The following PARD3B variants were observed in gnomAD, a reference collection of about 807,000 sequenced individuals.
PARD3B encodes the protein partitioning defective 3 homolog B.
Under a neutral mutation model 130.2 loss-of-function variants are expected in PARD3B, and 103 were observed. The observed-to-expected ratio is 0.79, with a 90% confidence interval of 0.67 to 0.93. The LOEUF is 0.93. PARD3B is among the 40% of genes least tolerant of loss of function. The probability of loss-of-function intolerance (pLI) is 0.00; values close to 1 mark genes in which losing one functional copy is unlikely to be tolerated. For synonymous variants in PARD3B, 583 were observed against 553.2 expected, an observed-to-expected ratio of 1.05 and a Z score of -0.76; for missense variants, 1,609 against 1,499.2, an observed-to-expected ratio of 1.07 and a Z score of -1.21.
At chr2:205,088,983 A>G (rs1701922506) in intron 4 of PARD3B, among the ~76,000 whole-genome samples, 1 of 151,396 alleles carries the variant, frequency 6.6e-6, no homozygotes, top group Non-Finnish European at 1.5e-5. Flanking sequence ...TTGTATTTTT[A>G]GTAGAGACGG....
chr2:204,901,081 A>G (rs2046839153), intron 2 of PARD3B, among the ~76,000 whole-genome samples: 1 of 152,102 alleles, frequency 6.6e-6, no homozygotes, highest in Admixed American at 6.5e-5. Context: ...GGTCTTGCCC[A>G]AGACCTGTGA....
chr2:204,954,979 T>A (rs1256712178), intron 2 of PARD3B, among the ~76,000 whole-genome samples: 5 of 152,230 alleles, frequency 3.3e-5, no homozygotes, highest in Non-Finnish European at 7.3e-5. Context: ...TCCTTTTTTT[T>A]ATTTTACAAA....
At chr2:205,055,819 CAT>C (rs1359225974) in intron 4 of PARD3B, among the ~76,000 whole-genome samples, 1 of 152,094 alleles carries the variant, frequency 6.6e-6, no homozygotes, top group Admixed American at 6.6e-5. Context: ...CACCAATAAT[CAT>C]TTTTTATTGG....
chr2:204,938,906 C>T (rs1488824248), intron 2 of PARD3B, among the ~76,000 whole-genome samples: 2 of 152,148 alleles, frequency 1.3e-5, no homozygotes, highest in African/African-American at 4.8e-5. Flanking sequence ...AGTGAACTCA[C>T]AGAGAGTAAA....
chr2:204,742,681 C>T (rs2040058548), intron 2 of PARD3B, among the ~76,000 whole-genome samples: 1 of 152,150 alleles, frequency 6.6e-6, no homozygotes, highest in Non-Finnish European at 1.5e-5. Flanking sequence ...AAACTCATTC[C>T]TGCAGTAAAA....
intron 20 of PARD3B, among the ~76,000 whole-genome samples, chr2:205,488,070 G>A (rs115790812): frequency 1.2e-3 from 190 of 152,144 alleles, no homozygotes; most frequent in African/African-American, 4.1e-3. Context: ...GTTTTGGACC[G>A]TCGAGTCCTT....
At chr2:204,629,045 C>G (rs980735963) in intron 1 of PARD3B, among the ~76,000 whole-genome samples, 17 of 152,138 alleles carry the variant, frequency 1.1e-4, no homozygotes, top group African/African-American at 4.1e-4. Context: ...TATCCATATA[C>G]AGTTCCAACA....
rs2048444364 is a variant in PARD3B at position 205,461,279 on chromosome 2, TG to T, written c.3044+20612del. 6.6e-6 allele frequency among the ~76,000 whole-genome samples: 1 copy of T among 152,134 alleles called. No homozygotes were observed. The highest frequency in any genetic ancestry group is 6.6e-5 in the Admixed American group (1 of 15,266). On this transcript the variant is annotated intron_variant, in intron 20 of 22. Coordinates refer to ENST00000406610, the MANE Select transcript of PARD3B (RefSeq NM_001302769.2). The surrounding 1 kb of genome is among the most constrained non-coding windows in gnomAD (Gnocchi z 4.3). ...AGGCACTCTGGGCAGAGGAGCAGCA[TG>T]GGGGATGCCCTGATGTGGAAAGGAA...
intron 15 of PARD3B, among the ~76,000 whole-genome samples, chr2:205,197,207 T>G (rs1304001024): frequency 1.3e-5 from 2 of 151,924 alleles, no homozygotes; most frequent in African/African-American, 4.8e-5. Flanking sequence ...AAATCATTTA[T>G]TTTTTTTAAT....
chr2:204,965,435 G>C, intron 3 of PARD3B, 112 bp downstream of exon 3: 3 of 1,160,790 alleles, frequency 2.6e-6, no homozygotes, highest in Non-Finnish European at 3.6e-6. Flanking sequence ...TTATATCGTG[G>C]TTTATCTTTT....
At chr2:205,181,968 TC>T (rs1248846852) in intron 13 of PARD3B, among the ~76,000 whole-genome samples, 1 of 152,124 alleles carries the variant, frequency 6.6e-6, no homozygotes, top group Non-Finnish European at 1.5e-5. Context: ...AAATAAAAAT[TC>T]CTTACAGCAT....
At chr2:205,044,054 G>C (rs1698582765) in intron 3 of PARD3B, among the ~76,000 whole-genome samples, 1 of 150,824 alleles carries the variant, frequency 6.6e-6, no homozygotes, top group Non-Finnish European at 1.5e-5. Flanking sequence ...AGAATATGCA[G>C]TGTTTGGTTT....
intron 18 of PARD3B, among the ~76,000 whole-genome samples, chr2:205,337,556 T>C (rs1017276931): frequency 6.6e-6 from 1 of 152,216 alleles, no homozygotes; most frequent in Admixed American, 6.5e-5. Flanking sequence ...TTTTGGTTGT[T>C]ACAGATAAAA....
Position 205,405,748 on chromosome 2 carries a change from C to T in PARD3B, c.2741+4625C>T, listed in dbSNP as rs1490295793. 2.0e-5 allele frequency among the ~76,000 whole-genome samples: 3 copies of T among 152,072 alleles called. No individual in the cohort carries two copies. Among genetic ancestry groups the T allele is most frequent in the African/African-American group, 2.4e-5 (1 of 41,412 alleles). ...TGACAGAATCAGCAGGAACAATGGA[C>T]TGAATTAAACGTAAAGAAAGTTAAT... On this transcript the variant is annotated intron_variant, in intron 19 of 22. Coordinates refer to ENST00000406610, the MANE Select transcript of PARD3B (RefSeq NM_001302769.2). The surrounding 1 kb of genome is among the most constrained non-coding windows in gnomAD (Gnocchi z 4.1).
At chr2:204,803,155 A>AT (rs1350085318) in intron 2 of PARD3B, among the ~76,000 whole-genome samples, 16 of 138,796 alleles carry the variant, frequency 1.2e-4, no homozygotes, top group African/African-American at 4.0e-4. Context: ...AAAAAAAAAA[A>AT]AAAAAAAAAT....
intron 16 of PARD3B, among the ~76,000 whole-genome samples, chr2:205,256,320 A>G (rs2040081935): frequency 1.3e-5 from 2 of 152,066 alleles, no homozygotes; most frequent in South Asian, 4.1e-4. Flanking sequence ...TGATAAACTC[A>G]TTTAGTAAGC....
intron 18 of PARD3B, among the ~76,000 whole-genome samples, chr2:205,371,872 C>G (rs541193235): frequency 6.6e-6 from 1 of 152,272 alleles, no homozygotes; most frequent in East Asian, 1.9e-4. Flanking sequence ...CTACATTTGT[C>G]TATTCTATAT....
At chr2:204,594,070 A>G (rs954197294) in intron 1 of PARD3B, among the ~76,000 whole-genome samples, 3 of 152,228 alleles carry the variant, frequency 2.0e-5, no homozygotes, top group African/African-American at 4.8e-5. Context: ...CCAGAACTGA[A>G]TAAATGAAAT....
intron 1 of PARD3B, among the ~76,000 whole-genome samples, chr2:204,620,876 T>C (rs933937982): frequency 1.3e-5 from 2 of 152,098 alleles, no homozygotes; most frequent in Non-Finnish European, 2.9e-5. Flanking sequence ...AGAAGTTGCG[T>C]CCGTTATTCT....
Sources: gnomAD v4.1 joint callset for allele counts (sites outside exome capture counted in the v4.1 genomes callset) on GRCh38, gnomAD v4.1.1 for gene constraint, Gnocchi (gnomAD v3.1) non-coding constraint, MANE v1.5 for transcripts, NCBI Gene and HGNC (gene_info 2026-07-23, HGNC 2026-07-21) for gene names.